The following CACNG8 variants were observed in gnomAD, a reference collection of about 807,000 sequenced individuals.
The protein encoded by CACNG8 is calcium voltage-gated channel auxiliary subunit gamma 8, also known as voltage-dependent calcium channel gamma-8 subunit.
A neutral mutation model predicts 26.9 loss-of-function variants in CACNG8; 5 were observed. The ratio of observed to expected loss-of-function variants is 0.19; its 90% CI spans 0.10 to 0.39. The LOEUF (loss-of-function observed/expected upper bound fraction) is 0.39. Among genes scored for constraint, CACNG8 ranks in the 10% least tolerant of loss-of-function variants. The pLI is 1.00. For synonymous variants in CACNG8, 321 were observed against 296.7 expected (o/e 1.08, Z -0.84); for missense variants, 473 against 609.4 (o/e 0.78, Z 2.36).
intron 1 of CACNG8, among the ~76,000 whole-genome samples, chr19:53,964,763 G>C (rs527239227): frequency 2.0e-5 from 3 of 151,976 alleles, no homozygotes; most frequent in Non-Finnish European, 2.9e-5. Flanking sequence ...AAGTAGCTGC[G>C]GGGCTGGGAA....
At chr19:53,971,150 G>A (rs2069300311) in intron 1 of CACNG8, among the ~76,000 whole-genome samples, 1 of 151,700 alleles carries the variant, frequency 6.6e-6, no homozygotes, top group African/African-American at 2.4e-5. Flanking sequence ...AATTTAGCCA[G>A]GTGCAGTGGT....
rs1385223031 is a variant in CACNG8, at chr19:53,982,908, C to G, written c.*59C>G. On this transcript the variant is annotated 3_prime_UTR_variant, in exon 4 of 4. Transcript: ENST00000270458. This position sits in a 1 kb window ranked among gnomAD's most constrained non-coding sequence, Gnocchi z 8.4. The stretch of plus-strand genomic sequence containing the variant: ...GGCGCGTGCGCGGGCGCGCGTGCAT[C>G]GAGGCTGCCGGGGTCGGGGGCGCCC... The G allele has an allele frequency of 8.7e-7, 1 of 1,147,226 alleles. No homozygotes were observed. Among genetic ancestry groups the G allele is most frequent in the Admixed American group, 4.8e-5 (1 of 20,862 alleles). 71.1% of individuals were successfully genotyped at this position (1,147,226 alleles called of 1,614,324 possible).
chr19:53,976,624 C>A (rs1042281187), intron 1 of CACNG8, among the ~76,000 whole-genome samples: 2 of 152,146 alleles, frequency 1.3e-5, no homozygotes, highest in Admixed American at 6.6e-5. Flanking sequence ...TATATTCATT[C>A]ATTAATTCAT....
At chr19:53,967,341 T>C (rs2069277173) in intron 1 of CACNG8, among the ~76,000 whole-genome samples, 1 of 152,198 alleles carries the variant, frequency 6.6e-6, no homozygotes, top group Non-Finnish European at 1.5e-5. Flanking sequence ...GGCTCAGTTT[T>C]GGGCATGTTA....
At chr19:53,971,473 A>G (rs1339580574) in intron 1 of CACNG8, among the ~76,000 whole-genome samples, 1 of 152,174 alleles carries the variant, frequency 6.6e-6, no homozygotes, top group Non-Finnish European at 1.5e-5. Flanking sequence ...TCTGAAACCC[A>G]GTAAATATTT....
At chr19:53,975,872 G>C (rs761192730) in intron 1 of CACNG8, among the ~76,000 whole-genome samples, 6 of 152,144 alleles carry the variant, frequency 3.9e-5, no homozygotes, top group Non-Finnish European at 8.8e-5. Context: ...TGGGTAATGG[G>C]TGCTATACAT....
rs947127031 is a variant in CACNG8 at position 53,986,649 on chromosome 19, G to C, written c.*3800G>C. 6.6e-6 allele frequency: 1 copy of C among 152,184 alleles called. No individual in the cohort carries two copies. The highest frequency in any genetic ancestry group is 1.5e-5 in the Non-Finnish European group (1 of 68,062). The allele number at this position is 152,184 out of a possible 1,614,324, so 9.4% of individuals were successfully genotyped here. On this transcript the variant is annotated 3_prime_UTR_variant, in exon 4 of 4. Coordinates refer to ENST00000270458, the MANE Select transcript of CACNG8 (RefSeq NM_031895.6). ...GCTACTTGGGAGGCTGAGAAAGAAG[G>C]ATCACTTGAACCCAGGAGGCAGAGG...
At chr19:53,980,303 C>A (rs1023241980) in intron 3 of CACNG8, among the ~76,000 whole-genome samples, 6 of 151,726 alleles carry the variant, frequency 4.0e-5, no homozygotes, top group Non-Finnish European at 7.4e-5. Context: ...ATCCCAAGCC[C>A]GCCGTCCTGG....
At chr19:53,964,514 G>A (rs1023110752) in intron 1 of CACNG8, among the ~76,000 whole-genome samples, 3 of 151,662 alleles carry the variant, frequency 2.0e-5, no homozygotes, top group African/African-American at 4.8e-5. Flanking sequence ...TGCCTCCTTC[G>A]ACGTCTTCCT....
chr19:53,963,516 C>CCCCCTTGGGCA (rs1257746221), intron 1 of CACNG8, 91 bp downstream of exon 1: 73 of 1,290,012 alleles, frequency 5.7e-5, no homozygotes, highest in Non-Finnish European at 6.8e-5. Flanking sequence ...GATCCTGGGG[C>CCCCCTTGGGCA]CCCCTTGGGC....
intron 3 of CACNG8, among the ~76,000 whole-genome samples, chr19:53,980,435 C>G (rs73602039): frequency 0.026 from 3,985 of 151,676 alleles, 162 homozygotes; most frequent in African/African-American, 0.084. Flanking sequence ...GTGATCTGAG[C>G]GCCGATGAGG....
At position 53,988,933 on chromosome 19, in the gene CACNG8, T is replaced by G. The variant is rs570597403; in HGVS notation, c.*6084T>G. The stretch of plus-strand genomic sequence containing the variant: ...TGAGGTGAAGGGGAAGAACACGTTT[T>G]CATCATTCATTTTCAGAAATAAACA... On this transcript the variant is annotated 3_prime_UTR_variant, in exon 4 of 4. Coordinates refer to ENST00000270458, the MANE Select transcript of CACNG8 (RefSeq NM_031895.6). 1 of 152,360 alleles carries G rather than the reference T, an allele frequency of 6.6e-6. No individual in the cohort carries two copies. Among genetic ancestry groups the G allele is most frequent in the South Asian group, 2.1e-4 (1 of 4,828 alleles). 9.4% of individuals were successfully genotyped at this position (152,360 alleles called of 1,614,324 possible).
chr19:53,978,357 C>A, intron 2 of CACNG8, 128 bp downstream of exon 2: 1 of 677,714 alleles, frequency 1.5e-6, no homozygotes, highest in Non-Finnish European at 2.6e-6. Flanking sequence ...GTTAGCCTCC[C>A]AGCCAATCCG....
Position 53,983,684 on chromosome 19 carries a change from A to G in CACNG8, c.*835A>G, listed in dbSNP as rs2069389804. 1 of 152,350 alleles carries G rather than the reference A, an allele frequency of 6.6e-6. No individual in the cohort carries two copies. The highest frequency in any genetic ancestry group is 1.5e-5 in the Non-Finnish European group (1 of 68,118). 9.4% of individuals were successfully genotyped at this position (152,350 alleles called of 1,614,324 possible). A position where few individuals can be genotyped will look rare whatever the true frequency, so the allele number is the denominator to read the frequency against. Reference sequence around the variant, plus strand: ...ATGCTATGAAATGCTCCATCAGGGGAGCCTAACCCAGTTGTGAGGAAGAGA... The same window carrying G: ...ATGCTATGAAATGCTCCATCAGGGGGGCCTAACCCAGTTGTGAGGAAGAGA... On this transcript the variant is annotated 3_prime_UTR_variant, in exon 4 of 4. Transcript: ENST00000270458.
rs2069419871 is a variant in CACNG8 at position 53,988,305 on chromosome 19, TAA to T, written c.*5457_*5458del. The T allele has an allele frequency of 6.7e-6, 1 of 148,994 alleles. No individual in the cohort carries two copies. The highest frequency in any genetic ancestry group is 2.5e-5 in the African/African-American group (1 of 40,082). The allele number at this position is 148,994 out of a possible 1,614,324, so 9.2% of individuals were successfully genotyped here. ...GTGTGTGTGTGTGTGTGTGTGTGTG[TAA>T]CTGACACAAAGGCCAGGTGCGATGG... On this transcript the variant is annotated 3_prime_UTR_variant, in exon 4 of 4. Transcript: ENST00000270458.
Position 53,982,764 on chromosome 19 carries a change from C to T in CACNG8, c.1193C>T (p.Pro398Leu), listed in dbSNP as rs937468218. The T allele has an allele frequency of 3.2e-6, 4 of 1,254,318 alleles. No individual in the cohort carries two copies. The highest frequency in any genetic ancestry group is 2.5e-5 in the South Asian group (1 of 39,838). The allele number at this position is 1,254,318 out of a possible 1,614,324, so 77.7% of individuals were successfully genotyped here. The stretch of plus-strand genomic sequence containing the variant: ...CCGCCCGCGCCCGCGCCACCCGCGC[C>T]CTCTGCGCCCGCCCCCGGGACCCTG... Residue 398 changes from proline to leucine, a missense_variant, in exon 4 of 4, where the codon CCC becomes CTC. Coordinates refer to ENST00000270458, the MANE Select transcript of CACNG8 (RefSeq NM_031895.6). This position sits in a 1 kb window ranked among gnomAD's most constrained non-coding sequence, Gnocchi z 8.4.
intron 1 of CACNG8, among the ~76,000 whole-genome samples, chr19:53,977,051 C>G (rs1170468123): frequency 6.6e-6 from 1 of 152,238 alleles, no homozygotes; most frequent in Non-Finnish European, 1.5e-5. Flanking sequence ...GAATCGGACT[C>G]CCATGCCCTA....
chr19:53,980,081 TGTGTGCGCGC>T (rs2069355977), intron 3 of CACNG8, 74 bp downstream of exon 3: 3 of 1,279,976 alleles, frequency 2.3e-6, no homozygotes, highest in Admixed American at 2.9e-5. Context: ...TGTGTGTGTG[TGTGTGCGCGC>T]GCGCGCGTGA....
chr19:53,977,558 C>T (rs945002403), intron 1 of CACNG8, among the ~76,000 whole-genome samples: 4 of 152,092 alleles, frequency 2.6e-5, no homozygotes, highest in African/African-American at 7.2e-5. Flanking sequence ...GTTCCAGGTT[C>T]CCTGCAGAAA....
Sources: gnomAD v4.1 joint callset for allele counts (sites outside exome capture counted in the v4.1 genomes callset) on GRCh38, gnomAD v4.1.1 for gene constraint, Gnocchi (gnomAD v3.1) non-coding constraint, MANE v1.5 for transcripts, NCBI Gene and HGNC (gene_info 2026-07-23, HGNC 2026-07-21) for gene names.